Variants in CADPS observed in about 807,000 individuals in gnomAD.
The protein encoded by CADPS is calcium dependent secretion activator, also known as calcium-dependent secretion activator 1.
In CADPS, 57 loss-of-function variants were observed where a neutral mutation model predicts 167.3. That is an observed-to-expected ratio of 0.34 (90% confidence interval 0.28 to 0.42). The LOEUF is 0.42. Among genes scored for constraint, CADPS ranks in the 20% least tolerant of loss-of-function variants. CADPS has a pLI of 1.00. For missense variants in CADPS, 1,414 were observed against 1,738.1 expected, an observed-to-expected ratio of 0.81 and a Z score of 3.32; for synonymous variants, 676 against 635.3, an observed-to-expected ratio of 1.06 and a Z score of -0.96.
At chr3:62,697,994 A>T (rs143180484) in intron 3 of CADPS, among the ~76,000 whole-genome samples, 1 of 151,652 alleles carries the variant, frequency 6.6e-6, no homozygotes, top group African/African-American at 2.4e-5. Context: ...TCTGGATATT[A>T]GTCCTTTGTC....
At chr3:62,725,405 A>T (rs927809912) in intron 3 of CADPS, among the ~76,000 whole-genome samples, 4 of 152,182 alleles carry the variant, frequency 2.6e-5, no homozygotes, top group African/African-American at 7.2e-5. Flanking sequence ...TCCTAACAAT[A>T]GTCTTCAGCC....
chr3:62,875,228 CGCGAAGGGAGGAG>C lies in CADPS; in HGVS notation c.-212_-200del, dbSNP rs1291103899. 5.4e-6 allele frequency: 3 copies of C among 552,984 alleles called. No individual in the cohort carries two copies. The highest frequency in any genetic ancestry group is 5.3e-6 in the Non-Finnish European group (2 of 376,030). The allele number at this position is 552,984 out of a possible 1,614,324, so 34.3% of individuals were successfully genotyped here. On this transcript the variant is annotated 5_prime_UTR_variant, in exon 1 of 30. Transcript: ENST00000383710. ...CGCGAGCTGGGCTCAGACCCAGAAG[CGCGAAGGGAGGAG>C]GGGAAGGGAGAGGTGCGTCCGTGGA...
At chr3:62,833,042 A>G (rs2075349094) in intron 1 of CADPS, among the ~76,000 whole-genome samples, 1 of 152,174 alleles carries the variant, frequency 6.6e-6, no homozygotes, top group South Asian at 2.1e-4. Flanking sequence ...AGGGTAAGAA[A>G]GCCACACGGT....
At chr3:62,485,926 C>T (rs1208281649) in intron 21 of CADPS, among the ~76,000 whole-genome samples, 1 of 152,152 alleles carries the variant, frequency 6.6e-6, no homozygotes. Flanking sequence ...ACTCAGGACA[C>T]TTGGTGGCCC....
chr3:62,625,114 G>A (rs1202101409), intron 6 of CADPS: 1 of 150,022 alleles, frequency 6.7e-6, no homozygotes, highest in Non-Finnish European at 1.5e-5. Flanking sequence ...GTTAGTCTGA[G>A]GCCCCATGAC....
At chr3:62,590,723 G>C (rs1479186914) in intron 7 of CADPS, among the ~76,000 whole-genome samples, 1 of 152,004 alleles carries the variant, frequency 6.6e-6, no homozygotes, top group Non-Finnish European at 1.5e-5. Context: ...GCTTGTCTGG[G>C]GTGGTCTCTC....
intron 3 of CADPS, among the ~76,000 whole-genome samples, chr3:62,712,359 G>T (rs948349702): frequency 6.6e-6 from 1 of 152,072 alleles, no homozygotes; most frequent in African/African-American, 2.4e-5. Flanking sequence ...TTGCTAACAC[G>T]GATATTGGTA....
rs112517935 is a variant in CADPS at position 62,627,522 on chromosome 3, A to G, written c.1325+18200T>C. On this transcript the variant is annotated intron_variant, in intron 6 of 29. Transcript: ENST00000383710. ...TGCAGGGATTTAAGAGACATCAACT[A>G]TATTGGTGTTGTAAGTATAGAAATA... is the stretch of plus-strand genomic sequence containing the variant. 4.5e-4 allele frequency among the ~76,000 whole-genome samples: 69 copies of G among 152,288 alleles called. 2 individuals are homozygous for G. Among genetic ancestry groups the G allele is most frequent in the African/African-American group, 1.7e-3 (69 of 41,572 alleles).
intron 2 of CADPS, among the ~76,000 whole-genome samples, chr3:62,755,223 C>T (rs2083582227): frequency 3.9e-5 from 6 of 152,090 alleles, no homozygotes; most frequent in Admixed American, 3.9e-4. Context: ...TGATGAAAAC[C>T]TCTCCCCCCT....
chr3:62,677,038 T>G (rs546078481), intron 3 of CADPS, among the ~76,000 whole-genome samples: 1 of 152,240 alleles, frequency 6.6e-6, no homozygotes, highest in South Asian at 2.1e-4. Context: ...CAACAGGCAC[T>G]GGCAATTTAT....
At chr3:62,703,055 A>G (rs757050894) in intron 3 of CADPS, among the ~76,000 whole-genome samples, 3 of 152,146 alleles carry the variant, frequency 2.0e-5, no homozygotes, top group African/African-American at 4.8e-5. Context: ...TTTCATAATT[A>G]TGTCAGAATT....
intron 3 of CADPS, among the ~76,000 whole-genome samples, chr3:62,734,024 A>T (rs2078479282): frequency 6.6e-6 from 1 of 151,988 alleles, no homozygotes; most frequent in Non-Finnish European, 1.5e-5. Flanking sequence ...CATTTTCTTT[A>T]TCTACTTGTT....
At chr3:62,704,387 T>C (rs1484581601) in intron 3 of CADPS, among the ~76,000 whole-genome samples, 1 of 152,162 alleles carries the variant, frequency 6.6e-6, no homozygotes, top group Non-Finnish European at 1.5e-5. Flanking sequence ...GCTATAATCA[T>C]GTGAGTATAA....
intron 1 of CADPS, among the ~76,000 whole-genome samples, chr3:62,863,789 T>C (rs2081228801): frequency 6.6e-6 from 1 of 152,210 alleles, no homozygotes; most frequent in Admixed American, 6.5e-5. Flanking sequence ...GTGGTGAGGA[T>C]GAACAATAAA....
intron 3 of CADPS, among the ~76,000 whole-genome samples, chr3:62,745,595 G>T (rs1336710900): frequency 4.6e-5 from 7 of 152,270 alleles, no homozygotes; most frequent in Middle Eastern, 3.4e-3. Flanking sequence ...ATGCCTGGAA[G>T]ATTACTGTGA....
At chr3:62,559,291 G>A (rs764912995) in intron 9 of CADPS, among the ~76,000 whole-genome samples, 6 of 152,090 alleles carry the variant, frequency 3.9e-5, no homozygotes, top group Non-Finnish European at 7.4e-5. Flanking sequence ...GCCATATAAT[G>A]GGCATTCACT....
chr3:62,662,239 G>T, intron 4 of CADPS, 75 bp downstream of exon 4: 2 of 1,201,594 alleles, frequency 1.7e-6, no homozygotes, highest in Non-Finnish European at 2.5e-6. Context: ...TCCTTTAGAG[G>T]CTGTCAATAA....
intron 28 of CADPS, among the ~76,000 whole-genome samples, chr3:62,411,003 G>T (rs1391299329): frequency 1.3e-5 from 2 of 152,168 alleles, no homozygotes; most frequent in Non-Finnish European, 2.9e-5. Context: ...TACTCAGGAG[G>T]CTGAGGTGGG....
intron 1 of CADPS, among the ~76,000 whole-genome samples, chr3:62,838,549 T>C (rs1379370620): frequency 1.3e-5 from 2 of 151,962 alleles, no homozygotes; most frequent in African/African-American, 4.9e-5. Flanking sequence ...GCAGAAACTC[T>C]ACTTCTCTAG....
Sources: gnomAD v4.1 joint callset for allele counts (sites outside exome capture counted in the v4.1 genomes callset) on GRCh38, gnomAD v4.1.1 for gene constraint, MANE v1.5 for transcripts, NCBI Gene and HGNC (gene_info 2026-07-23, HGNC 2026-07-21) for gene names.